WDR62: variants seen among roughly 807,000 people sequenced by gnomAD.
WDR62 encodes WD repeat-containing protein 62.
WDR62 carries 112 observed loss-of-function variants against 160.6 expected under a neutral mutation model. That is an observed-to-expected ratio of 0.70 (90% confidence interval 0.60 to 0.82). The LOEUF (loss-of-function observed/expected upper bound fraction) is 0.82, where lower values mean the gene tolerates loss of function less well. Among genes scored for constraint, WDR62 ranks in the 40% least tolerant of loss-of-function variants. WDR62 has a pLI of 0.00. For missense variants in WDR62, 1,819 were observed against 1,983.8 expected, an observed-to-expected ratio of 0.92 and a Z score of 1.58; for synonymous variants, 792 against 815.1, an observed-to-expected ratio of 0.97 and a Z score of 0.48.
At position 36,058,862 on chromosome 19, in the gene WDR62, A is replaced by G. The variant is rs756272466; in HGVS notation, c.260A>G (p.Tyr87Cys). Residue 87 changes from tyrosine to cysteine, a missense_variant, in exon 2 of 32, where the codon TAC (tyrosine) becomes TGC (cysteine). Coordinates refer to ENST00000401500, the MANE Select transcript of WDR62 (RefSeq NM_001083961.2). ...GACCCCGGCACAGGCCATGTGGCCTACCTGGCAGGGTAAGCAGATAAGGGC... is the reference window on the plus strand; with the variant it reads ...GACCCCGGCACAGGCCATGTGGCCTGCCTGGCAGGGTAAGCAGATAAGGGC... ...TCDPGTGHVAYLAGCVVVILD... is the reference protein window; with the variant it reads ...TCDPGTGHVACLAGCVVVILD... 1 of 1,613,998 alleles carries G rather than the reference A, an allele frequency of 6.2e-7. No individual in the cohort carries two copies.
chr19:36,098,996 C>T (rs571892828), intron 21 of WDR62, among the ~76,000 whole-genome samples: 2 of 152,070 alleles, frequency 1.3e-5, no homozygotes, highest in East Asian at 1.9e-4. Flanking sequence ...CCGAGGCGGG[C>T]GGATCACTTG....
At chr19:36,068,064 T>C (rs1047807385) in intron 7 of WDR62, 54 bp downstream of exon 7, 5 of 1,571,036 alleles carry the variant, frequency 3.2e-6, no homozygotes, top group Non-Finnish European at 4.3e-6. Flanking sequence ...GTGATATGTG[T>C]CTGCAGGGGT....
intron 7 of WDR62, among the ~76,000 whole-genome samples, chr19:36,069,160 C>T (rs1201272515): frequency 6.9e-6 from 1 of 145,450 alleles, no homozygotes; most frequent in African/African-American, 2.8e-5. Context: ...GGGCGGCTGG[C>T]CGGGCGGGGG....
chr19:36,106,351 A>C (rs1353584385), downstream of WDR62, among the ~76,000 whole-genome samples: 6 of 140,916 alleles, frequency 4.3e-5, no homozygotes, highest in African/African-American at 1.6e-4. Flanking sequence ...CCTGGGTGAC[A>C]CAGCAAGTCT....
chr19:36,071,475 A>C, intron 7 of WDR62, 81 bp from the exon 8 acceptor site: 1 of 1,557,636 alleles, frequency 6.4e-7, no homozygotes, highest in Non-Finnish European at 8.9e-7. Context: ...TGGAGGCCTA[A>C]GGCTGCTCTG....
Position 36,055,036 on chromosome 19 carries a change from T to C in WDR62, c.65T>C (p.Met22Thr). Residue 22 changes from methionine (M) to threonine (T), a missense_variant, in exon 1 of 32, where the codon ATG (methionine) becomes ACG (threonine). Coordinates refer to ENST00000401500, the MANE Select transcript of WDR62 (RefSeq NM_001083961.2). ...NDAGEKLPSVMAGVPARRGQS... is the reference protein window; with the variant it reads ...NDAGEKLPSVTAGVPARRGQS... ...GCAGGGGAGAAGCTGCCCTCTGTCA[T>C]GGCGGGAGTTCCGGCGCGGAGGGGC... is the stretch of plus-strand genomic sequence containing the variant. 1 of 1,597,362 alleles carries C rather than the reference T, an allele frequency of 6.3e-7. No homozygotes were observed. Among genetic ancestry groups the C allele is most frequent in the Non-Finnish European group, 8.5e-7 (1 of 1,173,174 alleles).
intron 1 of WDR62, among the ~76,000 whole-genome samples, chr19:36,058,168 A>G (rs1165989250): frequency 6.6e-6 from 1 of 152,168 alleles, no homozygotes; most frequent in African/African-American, 2.4e-5. Flanking sequence ...CCTGGCCAAC[A>G]TGGTGAAACC....
chr19:36,057,139 A>G (rs1190285834), intron 1 of WDR62, among the ~76,000 whole-genome samples: 2 of 152,102 alleles, frequency 1.3e-5, no homozygotes, highest in Non-Finnish European at 2.9e-5. Flanking sequence ...TCTGTGCCTC[A>G]GTTTTCTTAT....
At chr19:36,060,343 G>A (rs1444280550) in intron 3 of WDR62, 5 of 409,102 alleles carry the variant, frequency 1.2e-5, no homozygotes, top group Non-Finnish European at 2.3e-5. Context: ...CAGAGAATAG[G>A]AGGAAAGCCT....
chr19:36,081,297 G>T, intron 9 of WDR62, 136 bp from the exon 10 acceptor site: 37 of 1,057,286 alleles, frequency 3.5e-5, no homozygotes, highest in Middle Eastern at 2.5e-4. Context: ...TTTTTTTCTT[G>T]TTTATTTTTA....
At chr19:36,088,817 C>T (rs1230047056) in intron 13 of WDR62, among the ~76,000 whole-genome samples, 1 of 152,368 alleles carries the variant, frequency 6.6e-6, no homozygotes, top group African/African-American at 2.4e-5. Context: ...TATGCCCTTG[C>T]TCTGCAGAGC....
chr19:36,073,155 G>A (rs560724621), intron 8 of WDR62, among the ~76,000 whole-genome samples, 187 bp from the exon 9 acceptor site: 109 of 152,326 alleles, frequency 7.2e-4, no homozygotes, highest in Non-Finnish European at 1.1e-3. Flanking sequence ...CCGGTTTGTA[G>A]CCTCTATATG....
intron 1 of WDR62, among the ~76,000 whole-genome samples, chr19:36,057,600 C>T (rs1046992786): frequency 5.9e-5 from 9 of 151,946 alleles, no homozygotes; most frequent in African/African-American, 1.7e-4. Context: ...CTGCAACCTC[C>T]GCCTCCTGGG....
chr19:36,110,091 TCTTA>T (rs1260049618), downstream of WDR62, among the ~76,000 whole-genome samples: 1 of 151,748 alleles, frequency 6.6e-6, no homozygotes, highest in African/African-American at 2.4e-5. Flanking sequence ...TTGGATTGCT[TCTTA>T]GTCTTCTGGC....
In WDR62 at chr19:36,055,129, A is replaced by C; in HGVS notation, c.158A>C (p.Glu53Ala). 6.2e-7 allele frequency: 1 copy of C among 1,607,802 alleles called. No individual in the cohort carries two copies. The highest frequency in any genetic ancestry group is 8.5e-7 in the Non-Finnish European group (1 of 1,178,172). The change falls in exon 1 of 32, where the codon GAG becomes GCG. Residue 53 changes from glutamate to alanine, a missense_variant. Glu to Ala is a moderately radical substitution (Grantham distance 107). Transcript: ENST00000401500. ...RRRTRLSTAS[E>A]ETVQNRVSLE... Reference sequence around the variant, plus strand: ...CGGACGCGACTCTCGACGGCCTCCGAGGAGACGGTGCAGAACCGGGTGAGA... The same window carrying C: ...CGGACGCGACTCTCGACGGCCTCCGCGGAGACGGTGCAGAACCGGGTGAGA...
At chr19:36,091,498 C>T in intron 18 of WDR62, 33 bp downstream of exon 18, 1 of 1,603,612 alleles carries the variant, frequency 6.2e-7, no homozygotes, top group South Asian at 1.1e-5. Flanking sequence ...AGTTGTGGCT[C>T]AGATACCATG....
At chr19:36,082,567 C>T (rs1324227031) in intron 10 of WDR62, among the ~76,000 whole-genome samples, 1 of 152,208 alleles carries the variant, frequency 6.6e-6, no homozygotes, top group East Asian at 1.9e-4. Flanking sequence ...GTGCTACCAT[C>T]GTCTCCTCTG....
Position 36,091,314 on chromosome 19 carries a change from G to A in WDR62, c.2146+3G>A. 1.2e-6 allele frequency: 2 copies of A among 1,613,998 alleles called. No individual in the cohort carries two copies. Among genetic ancestry groups the A allele is most frequent in the Non-Finnish European group, 1.7e-6 (2 of 1,179,966 alleles). On this transcript the variant is annotated splice_donor_region_variant and intron_variant, in intron 17 of 31. Transcript: ENST00000401500. ...TGCCAAGATGTTTGGCCATTCAGGTGGGTGTGCCTCTCTGCTTGGGATGCC... is the reference window on the plus strand; with the variant it reads ...TGCCAAGATGTTTGGCCATTCAGGTAGGTGTGCCTCTCTGCTTGGGATGCC...
chr19:36,084,540 C>G (rs1972088558), intron 11 of WDR62, 113 bp from the exon 12 acceptor site: 4 of 947,208 alleles, frequency 4.2e-6, no homozygotes, highest in Non-Finnish European at 6.7e-6. Flanking sequence ...GAGTATTTGG[C>G]CATGATAAGG....
Sources: allele counts gnomAD v4.1 joint callset (sites outside exome capture counted in the v4.1 genomes callset), GRCh38; gene constraint gnomAD v4.1.1; transcripts MANE v1.5; gene names NCBI Gene and HGNC (gene_info 2026-07-23, HGNC 2026-07-21).